The following HPSE2 variants were observed in gnomAD, a reference collection of about 807,000 sequenced individuals.
The protein encoded by HPSE2 is inactive heparanase-2.
HPSE2 carries 38 observed loss-of-function variants against 60.5 expected under a neutral mutation model. The observed-to-expected ratio is 0.63, with a 90% CI of 0.48 to 0.82. The LOEUF (loss-of-function observed/expected upper bound fraction) is 0.82. Ranked by LOEUF, HPSE2 falls within the 40% of genes least tolerant of loss-of-function variation. HPSE2 has a pLI of 0.00. For synonymous variants in HPSE2, 295 were observed against 293.2 expected (o/e 1.01, Z -0.06); for missense variants, 713 against 740.4 (o/e 0.96, Z 0.43).
chr10:98,630,171 C>T lies in HPSE2; in HGVS notation c.1099-9463G>A, dbSNP rs144328443. 9.1e-4 allele frequency among the ~76,000 whole-genome samples: 138 copies of T among 151,204 alleles called. 2 individuals carry two copies. In the East Asian group the frequency reaches 0.024, roughly 27 times the overall value. On this transcript the variant is annotated intron_variant, in intron 7 of 11. Coordinates refer to ENST00000370552, the MANE Select transcript of HPSE2 (RefSeq NM_021828.5). The stretch of plus-strand genomic sequence containing the variant: ...AGAAAGGACTCCTACTTTTCAACTA[C>T]ACGAAGCAATCGTTTTTTTTTTTGT...
chr10:98,642,185 C>T (rs531830730), intron 6 of HPSE2, among the ~76,000 whole-genome samples: 1 of 152,226 alleles, frequency 6.6e-6, no homozygotes, highest in East Asian at 1.9e-4. Context: ...CGTGAAACCC[C>T]ATTGCTTACT....
At chr10:98,975,971 T>C (rs1956074880) in intron 3 of HPSE2, among the ~76,000 whole-genome samples, 3 of 152,186 alleles carry the variant, frequency 2.0e-5, no homozygotes, top group Admixed American at 1.3e-4. Context: ...AAAAGAGTAT[T>C]TTCCCCGCTC....
At chr10:98,480,055 G>A (rs767638665) in intron 11 of HPSE2, among the ~76,000 whole-genome samples, 1 of 151,516 alleles carries the variant, frequency 6.6e-6, no homozygotes, top group East Asian at 1.9e-4. Flanking sequence ...AAGGATCCCT[G>A]TAGAATGAAA....
chr10:99,111,811 T>C (rs1425485471), intron 3 of HPSE2, among the ~76,000 whole-genome samples: 1 of 152,200 alleles, frequency 6.6e-6, no homozygotes, highest in Admixed American at 6.5e-5. Flanking sequence ...TTAGTACCAC[T>C]TCCTTTATGA....
At chr10:99,145,966 T>C (rs1846038466) in intron 2 of HPSE2, among the ~76,000 whole-genome samples, 1 of 152,212 alleles carries the variant, frequency 6.6e-6, no homozygotes, top group East Asian at 1.9e-4. Flanking sequence ...GAGAGCTGAG[T>C]AGAAATTATG....
At chr10:98,489,469 C>G (rs997095424) in intron 10 of HPSE2, among the ~76,000 whole-genome samples, 2 of 152,228 alleles carry the variant, frequency 1.3e-5, no homozygotes, top group East Asian at 3.8e-4. Context: ...CCAGATTTCA[C>G]TTAGCCTCTT....
intron 6 of HPSE2, among the ~76,000 whole-genome samples, chr10:98,642,732 G>A (rs1946670387): frequency 6.6e-6 from 1 of 152,226 alleles, no homozygotes; most frequent in African/African-American, 2.4e-5. Context: ...AGCTAAGGCT[G>A]ACACAGGGTT....
chr10:98,565,955 T>C (rs1260213936), intron 9 of HPSE2, among the ~76,000 whole-genome samples: 2 of 152,070 alleles, frequency 1.3e-5, no homozygotes, highest in African/African-American at 2.4e-5. Flanking sequence ...GCCAGGATCT[T>C]CCCAAAGAAG....
chr10:98,558,983 T>C (rs554194856), intron 9 of HPSE2, among the ~76,000 whole-genome samples: 10 of 152,150 alleles, frequency 6.6e-5, no homozygotes, highest in Non-Finnish European at 1.5e-4. Context: ...CTAGCCTTTC[T>C]AGGCATCTGA....
chr10:98,767,513 T>C (rs1023853431), intron 3 of HPSE2, among the ~76,000 whole-genome samples: 1 of 147,494 alleles, frequency 6.8e-6, no homozygotes. Context: ...GTTATGCATA[T>C]TGCACTATAT....
intron 3 of HPSE2, among the ~76,000 whole-genome samples, chr10:99,100,132 G>A (rs1272299569): frequency 6.6e-6 from 1 of 152,222 alleles, no homozygotes; most frequent in African/African-American, 2.4e-5. Flanking sequence ...ATGGAACAAA[G>A]CTGGGTGGAG....
rs373001035 is a variant in HPSE2 at position 98,941,583 on chromosome 10, T to C, written c.611-197527A>G. On this transcript the variant is annotated intron_variant, in intron 3 of 11. Coordinates refer to ENST00000370552, the MANE Select transcript of HPSE2 (RefSeq NM_021828.5). ...CACTGCTCAATGAAATAAAAGAGGA[T>C]ACAAACAAATGGAAGAACATTCCAT... 1.1e-4 allele frequency among the ~76,000 whole-genome samples: 16 copies of C among 140,632 alleles called. 1 individual carries two copies. In the East Asian group the frequency reaches 1.4e-3, roughly 12 times the overall value. The allele number at this position is 140,632 out of a possible 152,430, so 92.3% of individuals were successfully genotyped here. A position where few individuals can be genotyped will look rare whatever the true frequency, so the allele number is the denominator to read the frequency against.
chr10:98,848,655 T>C (rs2197417), intron 3 of HPSE2, among the ~76,000 whole-genome samples: 130,129 of 152,090 alleles, frequency 0.86, 56,086 homozygotes, highest in African/African-American at 0.95. Flanking sequence ...TCTGAGGCCA[T>C]GGAAATGAGT....
At chr10:99,308,557 C>A in the HPSE2 span, among the ~76,000 whole-genome samples, 1 of 151,846 alleles carries the variant, frequency 6.6e-6, no homozygotes, top group Non-Finnish European at 1.5e-5. Flanking sequence ...TTTCTGTTTG[C>A]CCCAGGAATA....
intron 3 of HPSE2, among the ~76,000 whole-genome samples, chr10:99,058,956 A>T (rs1352377442): frequency 2.0e-5 from 3 of 152,224 alleles, no homozygotes; most frequent in Non-Finnish European, 4.4e-5. Context: ...CAACTATTCA[A>T]CTTTGCTGTT....
At chr10:98,664,988 C>A (rs1947325302) in intron 6 of HPSE2, among the ~76,000 whole-genome samples, 1 of 152,140 alleles carries the variant, frequency 6.6e-6, no homozygotes, top group Non-Finnish European at 1.5e-5. Flanking sequence ...AATTCAGAAT[C>A]TTGATGGCAA....
At chr10:99,297,683 G>A in the HPSE2 span, among the ~76,000 whole-genome samples, 1 of 152,118 alleles carries the variant, frequency 6.6e-6, no homozygotes, top group South Asian at 2.1e-4. Flanking sequence ...GTTCACTCTA[G>A]GATGCCAGAG....
chr10:99,267,715 G>A, the HPSE2 span, among the ~76,000 whole-genome samples: 1 of 151,718 alleles, frequency 6.6e-6, no homozygotes, highest in Non-Finnish European at 1.5e-5. Flanking sequence ...GGGAGGCGGA[G>A]GTTGCAGTGA....
chr10:98,694,037 C>G, intron 5 of HPSE2, 90 bp from the exon 6 acceptor site: 1 of 1,037,612 alleles, frequency 9.6e-7, no homozygotes, highest in Non-Finnish European at 1.5e-6. Context: ...CAGATTAGAC[C>G]AATCCTTAAG....
Sources: allele counts gnomAD v4.1 joint callset (sites outside exome capture counted in the v4.1 genomes callset), GRCh38; gene constraint gnomAD v4.1.1; transcripts MANE v1.5; gene names NCBI Gene and HGNC (gene_info 2026-07-23, HGNC 2026-07-21).